The following HSPG2 variants were observed in gnomAD, a reference collection of about 807,000 sequenced individuals.
HSPG2 encodes the protein basement membrane-specific heparan sulfate proteoglycan core protein.
Under a neutral mutation model 526.6 loss-of-function variants are expected in HSPG2, and 278 were observed. The ratio of observed to expected loss-of-function variants is 0.53; its 90% CI spans 0.48 to 0.58. The LOEUF is 0.58. Among genes scored for constraint, HSPG2 ranks in the 20% least tolerant of loss-of-function variants. The probability of loss-of-function intolerance (pLI) is 0.00; values close to 1 mark genes in which losing one functional copy is unlikely to be tolerated. For synonymous variants in HSPG2, 2,465 were observed against 2,555.4 expected (o/e 0.96, Z 1.07); for missense variants, 5,354 against 6,099.5 (o/e 0.88, Z 4.07).
In HSPG2 at chr1:21,859,929, C is replaced by G. The variant is rs781453485; in HGVS notation, c.5088G>C (p.Leu1696=). The change falls in exon 41 of 97, where the codon CTG becomes CTC. Residue 1696 remains leucine, a synonymous_variant. Transcript: ENST00000374695. This position sits in a 1 kb window ranked among gnomAD's most constrained non-coding sequence, Gnocchi z 5.3. ...GTGGGCTCCCACTGACCTGACACCG[C>G]AGGGAGTGGGAGCCACCTTGGGGCA... ...SIVPQGGSHS[L]RCQVSGSPPH... 1 of 1,610,562 alleles carries G rather than the reference C, an allele frequency of 6.2e-7. No homozygotes were observed. Among genetic ancestry groups the G allele is most frequent in the South Asian group, 1.1e-5 (1 of 90,088 alleles).
rs1202151776 is a variant in HSPG2, at chr1:21,868,658, T to TGACAGGG, written c.4222-2856_4222-2850dup. Among the ~76,000 whole-genome samples the TGACAGGG allele has an allele frequency of 2.6e-5, 4 of 152,140 alleles. No homozygotes were observed. The East Asian group carries it at 7.7e-4, about 29-fold the overall frequency. The stretch of plus-strand genomic sequence containing the variant: ...ACCCTCCCAGGCGAGACAGCTCCTC[T>TGACAGGG]GACAGGGGTCAGGGGCCAGGGGTCA... On this transcript the variant is annotated intron_variant, in intron 33 of 96. Transcript: ENST00000374695.
In HSPG2 at chr1:21,856,989, G is replaced by A. The variant is rs554530777; in HGVS notation, c.5575+26C>T. 4 of 1,610,370 alleles carry A rather than the reference G, an allele frequency of 2.5e-6. 1 individual carries two copies. In the Middle Eastern group the frequency reaches 5.0e-4, roughly 200 times the overall value. On this transcript the variant is annotated intron_variant, in intron 44 of 96. Coordinates refer to ENST00000374695, the MANE Select transcript of HSPG2 (RefSeq NM_005529.7). ...GGAATGGGGGAGAGACAGGAGGGGA[G>A]AATCAGGTATAGATGGGAGGTGTAC...
intron 50 of HSPG2, 112 bp from the exon 51 acceptor site, chr1:21,853,182 G>A (rs1639052578): frequency 7.0e-7 from 1 of 1,420,624 alleles, no homozygotes; most frequent in South Asian, 1.2e-5. Context: ...CCGACAGGTG[G>A]CCTTTCTGGG....
At position 21,874,402 on chromosome 1, in the gene HSPG2, G is replaced by A. The variant is rs1177290016; in HGVS notation, c.3656+4C>T. ...GGGCAGGTGCAGGCAGGGACTGGAC[G>A]CACTGGCCGGCAGCAGGGTCTCCGT... On this transcript the variant is annotated splice_donor_region_variant and intron_variant, in intron 28 of 96. Transcript: ENST00000374695. 11 of 1,611,130 alleles carry A rather than the reference G, an allele frequency of 6.8e-6. No individual in the cohort carries two copies. Among genetic ancestry groups the A allele is most frequent in the Non-Finnish European group, 8.5e-6 (10 of 1,179,598 alleles).
chr1:21,848,618 C>T lies in HSPG2; in HGVS notation c.7737+25G>A. Reference sequence around the variant, plus strand: ...TGGGGGCTGGTGTGCCCTGCTTTTGCCCTCCCCACCTGCTGGCCCTGTACC... The same window carrying T: ...TGGGGGCTGGTGTGCCCTGCTTTTGTCCTCCCCACCTGCTGGCCCTGTACC... On this transcript the variant is annotated intron_variant, in intron 59 of 96. Transcript: ENST00000374695. This position sits in a 1 kb window ranked among gnomAD's most constrained non-coding sequence, Gnocchi z 4.9. The T allele has an allele frequency of 6.2e-7, 1 of 1,612,382 alleles. No homozygotes were observed. Among genetic ancestry groups the T allele is most frequent in the African/African-American group, 1.3e-5 (1 of 74,984 alleles).
intron 39 of HSPG2, 116 bp downstream of exon 39, chr1:21,861,641 G>T: frequency 1.1e-6 from 1 of 951,010 alleles, no homozygotes; most frequent in South Asian, 1.4e-5. Context: ...AGTGTTTGAG[G>T]CAGGGAAGGA....
chr1:21,841,449 T>A (rs2098048092), intron 70 of HSPG2, 90 bp downstream of exon 70: 2 of 1,583,100 alleles, frequency 1.3e-6, no homozygotes, highest in Non-Finnish European at 1.7e-6. Flanking sequence ...ACAGAGTCAA[T>A]GGTGGAAGGA....
chr1:21,832,170 G>C (rs991321191), intron 81 of HSPG2, among the ~76,000 whole-genome samples: 1 of 152,174 alleles, frequency 6.6e-6, no homozygotes, highest in Admixed American at 6.5e-5. Context: ...CTTCCCACAA[G>C]AGCCAGAATT....
At chr1:21,927,701 C>T (rs1043409051) in intron 1 of HSPG2, among the ~76,000 whole-genome samples, 2 of 152,156 alleles carry the variant, frequency 1.3e-5, no homozygotes, top group African/African-American at 4.8e-5. Flanking sequence ...TGGGGTGTGC[C>T]CCCCTCCTTC....
At chr1:21,935,646 C>T (rs1429274983) in intron 1 of HSPG2, among the ~76,000 whole-genome samples, 1 of 152,236 alleles carries the variant, frequency 6.6e-6, no homozygotes, top group Non-Finnish European at 1.5e-5. Flanking sequence ...CAACTCCACC[C>T]ACCGCCATCC....
intron 65 of HSPG2, 64 bp downstream of exon 65, chr1:21,844,084 G>A (rs1557701146): frequency 3.8e-6 from 6 of 1,592,740 alleles, no homozygotes; most frequent in East Asian, 2.2e-5. Flanking sequence ...TCCCTTCAAC[G>A]CTGGATTCAG....
intron 24 of HSPG2, 31 bp from the exon 25 acceptor site, chr1:21,875,778 CCT>C: frequency 6.2e-7 from 1 of 1,605,792 alleles, no homozygotes; most frequent in Non-Finnish European, 8.5e-7. Flanking sequence ...GTGCTCAGCC[CCT>C]GACGTCCTGG....
intron 1 of HSPG2, among the ~76,000 whole-genome samples, chr1:21,926,814 G>T (rs1644208109): frequency 6.6e-6 from 1 of 150,548 alleles, no homozygotes; most frequent in Non-Finnish European, 1.5e-5. Flanking sequence ...ATAGAGTAGA[G>T]GCCACTAGGG....
chr1:21,900,882 TAA>T (rs551242963), intron 1 of HSPG2, among the ~76,000 whole-genome samples: 2 of 149,164 alleles, frequency 1.3e-5, no homozygotes, highest in Non-Finnish European at 3.0e-5. Context: ...AAGACTCTGT[TAA>T]AAAAAAAAGT....
At chr1:21,867,143 A>C in intron 33 of HSPG2, among the ~76,000 whole-genome samples, 1 of 127,226 alleles carries the variant, frequency 7.9e-6, no homozygotes, top group Non-Finnish European at 1.6e-5. Flanking sequence ...TTAAATAGAG[A>C]TGGGGTCTCC....
In HSPG2 at chr1:21,884,829, A is replaced by G; in HGVS notation, c.1445T>C (p.Met482Thr). 6.2e-7 allele frequency: 1 copy of G among 1,613,864 alleles called. No homozygotes were observed. The highest frequency in any genetic ancestry group is 8.5e-7 in the Non-Finnish European group (1 of 1,180,020). The change falls in exon 12 of 97, where the codon ATG (methionine) becomes ACG (threonine). Residue 482 changes from methionine to threonine, a missense_variant. Transcript: ENST00000374695. ...GCCAAACACCATGCCCCGGGCGTTC[A>G]TGGCCTCACAGGTGTAGGCACCCTG... ...SDQGAYTCEA[M>T]NARGMVFGIP...
chr1:21,935,092 A>T (rs2152807950), intron 1 of HSPG2, among the ~76,000 whole-genome samples: 1 of 151,536 alleles, frequency 6.6e-6, no homozygotes, highest in Middle Eastern at 3.4e-3. Context: ...TTTTCAGTAC[A>T]GATGGGGTTT....
chr1:21,890,825 C>T lies in HSPG2; in HGVS notation c.245-131G>A. 1 of 720,260 alleles carries T rather than the reference C, an allele frequency of 1.4e-6. No homozygotes were observed. The allele number at this position is 720,260 out of a possible 1,614,324, so 44.6% of individuals were successfully genotyped here. On this transcript the variant is annotated intron_variant, in intron 3 of 96. Transcript: ENST00000374695. This position sits in a 1 kb window ranked among gnomAD's most constrained non-coding sequence, Gnocchi z 4.1. ...TCCCTCGAGGCTGACACCTGTGTGC[C>T]CACTGCTACACCCAGGACTGCCTGT...
At chr1:21,884,328 A>C (rs946537542) in intron 13 of HSPG2, among the ~76,000 whole-genome samples, 200 bp downstream of exon 13, 2 of 152,172 alleles carry the variant, frequency 1.3e-5, no homozygotes, top group African/African-American at 4.8e-5. Context: ...GCAGGTAGGT[A>C]GCAAGGGGGG....
Sources: gnomAD v4.1 joint callset for allele counts (sites outside exome capture counted in the v4.1 genomes callset) on GRCh38, gnomAD v4.1.1 for gene constraint, Gnocchi (gnomAD v3.1) non-coding constraint, MANE v1.5 for transcripts, NCBI Gene and HGNC (gene_info 2026-07-23, HGNC 2026-07-21) for gene names.